CDH13: variants seen among roughly 807,000 people sequenced by gnomAD.
CDH13 encodes cadherin-13.
CDH13 carries 24 observed loss-of-function variants against 63.8 expected under a neutral mutation model. The observed-to-expected ratio is 0.38, with a 90% CI of 0.27 to 0.53. CDH13 has a LOEUF of 0.53. Ranked by LOEUF, CDH13 falls within the 20% of genes least tolerant of loss-of-function variation. The probability of loss-of-function intolerance (pLI) is 0.85; values close to 1 mark genes in which losing one functional copy is unlikely to be tolerated. For missense variants in CDH13, 1,049 were observed against 903.1 expected, an observed-to-expected ratio of 1.16 and a Z score of -2.07; for synonymous variants, 503 against 355.3, an observed-to-expected ratio of 1.42 and a Z score of -4.67.
chr16:83,542,626 C>G (rs1325790210), intron 7 of CDH13, among the ~76,000 whole-genome samples: 14 of 152,226 alleles, frequency 9.2e-5, no homozygotes, highest in Admixed American at 9.2e-4. Context: ...GCTCTGGCAG[C>G]TAGTCCAGGG....
At chr16:83,690,019 C>G (rs1485648022) in intron 10 of CDH13, among the ~76,000 whole-genome samples, 2 of 152,088 alleles carry the variant, frequency 1.3e-5, no homozygotes, top group Non-Finnish European at 2.9e-5. Context: ...AACCCCATCT[C>G]TACTAAAAAT....
At chr16:83,615,628 G>C (rs1909221169) in intron 8 of CDH13, among the ~76,000 whole-genome samples, 1 of 152,084 alleles carries the variant, frequency 6.6e-6, no homozygotes, top group African/African-American at 2.4e-5. Context: ...TGTACAGAAT[G>C]GTGGGGAATA....
chr16:83,630,740 G>C (rs988286827), intron 8 of CDH13, among the ~76,000 whole-genome samples: 2 of 152,156 alleles, frequency 1.3e-5, no homozygotes, highest in Non-Finnish European at 2.9e-5. Context: ...ACGTTGCCCA[G>C]GTGAAATTCA....
At chr16:83,554,686 C>A (rs974870254) in intron 7 of CDH13, among the ~76,000 whole-genome samples, 4 of 152,028 alleles carry the variant, frequency 2.6e-5, no homozygotes, top group African/African-American at 4.8e-5. Flanking sequence ...CACACACACA[C>A]GCACACACAC....
At chr16:82,971,239 A>C (rs1196447308) in intron 2 of CDH13, among the ~76,000 whole-genome samples, 1 of 152,160 alleles carries the variant, frequency 6.6e-6, no homozygotes, top group Non-Finnish European at 1.5e-5. Flanking sequence ...AGTTATCCAC[A>C]TTGACAGCTG....
intron 5 of CDH13, among the ~76,000 whole-genome samples, chr16:83,218,647 C>T (rs1274936660): frequency 6.6e-6 from 1 of 152,042 alleles, no homozygotes; most frequent in Non-Finnish European, 1.5e-5. Context: ...ATGGGAGTCT[C>T]CAAGAAAGTT....
chr16:83,504,546 G>T (rs990911967), intron 7 of CDH13, among the ~76,000 whole-genome samples: 12 of 152,320 alleles, frequency 7.9e-5, no homozygotes, highest in African/African-American at 2.9e-4. Context: ...AAGCAGGCCA[G>T]ATCTTTATGA....
chr16:83,783,620 T>C (rs1915683313), intron 13 of CDH13, 148 bp downstream of exon 13: 10 of 733,144 alleles, frequency 1.4e-5, no homozygotes, highest in African/African-American at 1.7e-5. Flanking sequence ...TGATAGAACA[T>C]GTTATATGTA....
chr16:83,662,080 A>G (rs1156502908), intron 8 of CDH13, among the ~76,000 whole-genome samples: 5 of 152,218 alleles, frequency 3.3e-5, no homozygotes, highest in Non-Finnish European at 5.9e-5. Context: ...CATTAGTATC[A>G]GTCCAGGATC....
intron 1 of CDH13, among the ~76,000 whole-genome samples, chr16:82,714,712 TAAAA>T (rs71146088): frequency 1.7e-4 from 5 of 30,024 alleles, no homozygotes; most frequent in East Asian, 1.6e-3. Flanking sequence ...AGACTCCATC[TAAAA>T]AAAAAAAAAA....
intron 5 of CDH13, among the ~76,000 whole-genome samples, chr16:83,312,995 A>G (rs991909222): frequency 2.6e-5 from 4 of 152,194 alleles, no homozygotes; most frequent in African/African-American, 9.7e-5. Context: ...CACTAGAAGG[A>G]TCACATGAGA....
At position 82,676,486 on chromosome 16, in the gene CDH13, C is replaced by CTT. The variant is rs11330492; in HGVS notation, c.45+49369_45+49370dup. 4.3e-3 allele frequency among the ~76,000 whole-genome samples: 415 copies of CTT among 96,338 alleles called. 5 individuals carry two copies. Among genetic ancestry groups the CTT allele is most frequent in the African/African-American group, 6.1e-3 (159 of 26,280 alleles). The allele number at this position is 96,338 out of a possible 152,430, so 63.2% of individuals were successfully genotyped here. A position where few individuals can be genotyped will look rare whatever the true frequency, so the allele number is the denominator to read the frequency against. On this transcript the variant is annotated intron_variant, in intron 1 of 13. Transcript: ENST00000567109. ...ATCCTAATCTGAGCTACCATCATTT[C>CTT]TTTTTTTTTTTTTTTTTTTTTGCCT...
At chr16:82,854,151 G>C (rs1274574091) in intron 1 of CDH13, among the ~76,000 whole-genome samples, 1 of 152,120 alleles carries the variant, frequency 6.6e-6, no homozygotes, top group Non-Finnish European at 1.5e-5. Flanking sequence ...TGTAATCCTA[G>C]AACTTTGGGA....
intron 5 of CDH13, among the ~76,000 whole-genome samples, chr16:83,250,640 G>T (rs1905413634): frequency 1.3e-5 from 2 of 152,154 alleles, no homozygotes; most frequent in Admixed American, 1.3e-4. Flanking sequence ...ATAGAGAGTT[G>T]GTCGTGGTGG....
At chr16:83,320,133 A>G (rs984363459) in intron 5 of CDH13, among the ~76,000 whole-genome samples, 17 of 151,954 alleles carry the variant, frequency 1.1e-4, no homozygotes, top group African/African-American at 3.6e-4. Flanking sequence ...TCGACCTCTC[A>G]GGCTCAAGTG....
intron 11 of CDH13, among the ~76,000 whole-genome samples, chr16:83,773,817 G>A (rs1369291353): frequency 2.0e-5 from 3 of 152,144 alleles, no homozygotes; most frequent in Non-Finnish European, 2.9e-5. Flanking sequence ...TGGTGGCTGA[G>A]CCACAGGCTC....
chr16:83,190,221 G>T (rs550490727), intron 4 of CDH13, among the ~76,000 whole-genome samples: 2 of 152,168 alleles, frequency 1.3e-5, no homozygotes, highest in Non-Finnish European at 2.9e-5. Context: ...GGTTCCGCTT[G>T]GCTAGAAGTA....
At chr16:83,726,612 G>A (rs1910418751) in intron 10 of CDH13, among the ~76,000 whole-genome samples, 1 of 152,174 alleles carries the variant, frequency 6.6e-6, no homozygotes, top group Admixed American at 6.5e-5. Context: ...GAGGCGGGCA[G>A]ATCACGAGGT....
chr16:82,693,990 G>A (rs2029947635), intron 1 of CDH13, among the ~76,000 whole-genome samples: 1 of 152,114 alleles, frequency 6.6e-6, no homozygotes, highest in Non-Finnish European at 1.5e-5. Flanking sequence ...ACATGGTCCT[G>A]GGCAAGTAAT....
Sources: allele counts gnomAD v4.1 joint callset (sites outside exome capture counted in the v4.1 genomes callset), GRCh38; gene constraint gnomAD v4.1.1; transcripts MANE v1.5; gene names NCBI Gene and HGNC (gene_info 2026-07-23, HGNC 2026-07-21).